ZSWIM5: variants seen among roughly 807,000 people sequenced by gnomAD.
ZSWIM5 encodes the protein zinc finger SWIM domain-containing protein 5.
A neutral mutation model predicts 119.6 loss-of-function variants in ZSWIM5; 55 were observed. That is an observed-to-expected ratio of 0.46 (90% CI 0.37 to 0.58). The LOEUF (loss-of-function observed/expected upper bound fraction) is 0.58. Ranked by LOEUF, ZSWIM5 falls within the 20% of genes least tolerant of loss-of-function variation. The pLI is 0.00. For missense variants in ZSWIM5, 1,193 were observed against 1,512.8 expected, an observed-to-expected ratio of 0.79 and a Z score of 3.51; for synonymous variants, 537 against 606.9, an observed-to-expected ratio of 0.88 and a Z score of 1.69.
In ZSWIM5 at chr1:45,018,794, A is replaced by C; in HGVS notation, c.3218T>G (p.Val1073Gly). Residue 1073 changes from valine (V) to glycine (G), a missense_variant, in exon 14 of 14, where the codon GTG becomes GGG. By Grantham distance (109) the Val-to-Gly change is moderately radical. This residue lies in a region of ZSWIM5 where 961 missense variants were observed against 1,290.0 expected (regional missense o/e 0.74). Transcript: ENST00000359600. The surrounding 1 kb of genome is among the most constrained non-coding windows in gnomAD (Gnocchi z 6.7). ...GCAGCGTCGTAAGATGTCTGAAAGC[A>C]CTGTGGCACAGTGCACACTCTTCAC... Reference protein sequence around the residue: ...LVVKSVHCATVLSDILRRCTV... With the variant: ...LVVKSVHCATGLSDILRRCTV... The C allele has an allele frequency of 6.2e-7, 1 of 1,614,234 alleles. No individual in the cohort carries two copies. The highest frequency in any genetic ancestry group is 8.5e-7 in the Non-Finnish European group (1 of 1,180,034).
chr1:45,035,885 G>A, intron 9 of ZSWIM5, 62 bp from the exon 10 acceptor site: 1 of 1,597,888 alleles, frequency 6.3e-7, no homozygotes, highest in Non-Finnish European at 8.5e-7. Flanking sequence ...GCCTGGACTT[G>A]AGCCCCAGTA....
chr1:45,070,063 T>C, intron 2 of ZSWIM5: 1 of 878,800 alleles, frequency 1.1e-6, no homozygotes, highest in Non-Finnish European at 2.0e-6. Flanking sequence ...ACGAATCCAA[T>C]GACTAGAAGA....
Position 45,018,729 on chromosome 1 carries a change from G to T in ZSWIM5, c.3283C>A (p.Arg1095=), listed in dbSNP as rs774581873. ...GTGGACATGAGCTTTCCAGAGCTTC[G>T]GCGGCCTGGGATGCCGGCCAGGCCA... ...APGLAGIPGR[R]SSGKLMSTDK... is the part of the protein sequence containing the mutation. The change falls in exon 14 of 14, where the codon CGA becomes AGA. Residue 1095 remains arginine, a synonymous_variant. Transcript: ENST00000359600. The surrounding 1 kb of genome is among the most constrained non-coding windows in gnomAD (Gnocchi z 6.7). The T allele has an allele frequency of 1.2e-6, 2 of 1,614,246 alleles. No homozygotes were observed. The highest frequency in any genetic ancestry group is 4.5e-5 in the East Asian group (2 of 44,882).
chr1:45,127,888 A>C (rs1324731274), intron 1 of ZSWIM5, among the ~76,000 whole-genome samples: 1 of 152,250 alleles, frequency 6.6e-6, no homozygotes, highest in African/African-American at 2.4e-5. Context: ...CACTGAAAAA[A>C]GAAGAAAAGA....
chr1:45,080,896 A>G (rs913538801), intron 2 of ZSWIM5, among the ~76,000 whole-genome samples: 1 of 152,216 alleles, frequency 6.6e-6, no homozygotes, highest in South Asian at 2.1e-4. Flanking sequence ...CACCTAAAAA[A>G]GTCAAGGCAA....
At chr1:45,020,893 T>A in intron 11 of ZSWIM5, 105 bp from the exon 12 acceptor site, 1 of 1,304,566 alleles carries the variant, frequency 7.7e-7, no homozygotes, top group South Asian at 1.4e-5. Flanking sequence ...ATTCATTGAA[T>A]GCTTCTGAAT....
Position 45,019,464 on chromosome 1 carries a change from G to A in ZSWIM5, c.2696-148C>T, listed in dbSNP as rs1238254624. On this transcript the variant is annotated intron_variant, in intron 13 of 13. Coordinates refer to ENST00000359600, the MANE Select transcript of ZSWIM5 (RefSeq NM_020883.2). The surrounding 1 kb of genome is among the most constrained non-coding windows in gnomAD (Gnocchi z 5.0). ...GATGATATGAGGCAAACCAGGGCAAGGGGAGCATCCCAGATGGCCAGACCC... is the reference window on the plus strand; with the variant it reads ...GATGATATGAGGCAAACCAGGGCAAAGGGAGCATCCCAGATGGCCAGACCC... 9.2e-7 allele frequency: 1 copy of A among 1,085,368 alleles called. No individual in the cohort carries two copies. Among genetic ancestry groups the A allele is most frequent in the African/African-American group, 1.6e-5 (1 of 63,442 alleles). The allele number at this position is 1,085,368 out of a possible 1,614,324, so 67.2% of individuals were successfully genotyped here.
chr1:45,106,121 C>T (rs1167101833), intron 1 of ZSWIM5, among the ~76,000 whole-genome samples: 9 of 142,416 alleles, frequency 6.3e-5, no homozygotes, highest in African/African-American at 2.1e-4. Context: ...CGCCTCTGTC[C>T]GGCTGCCCCG....
At chr1:45,097,465 T>C (rs1645410330) in intron 1 of ZSWIM5, among the ~76,000 whole-genome samples, 1 of 152,162 alleles carries the variant, frequency 6.6e-6, no homozygotes, top group East Asian at 1.9e-4. Flanking sequence ...TATATTCTAG[T>C]TTATATGAGT....
intron 2 of ZSWIM5, among the ~76,000 whole-genome samples, chr1:45,084,005 G>A (rs2149009962): frequency 6.6e-6 from 1 of 152,146 alleles, no homozygotes; most frequent in African/African-American, 2.4e-5. Flanking sequence ...TGCCTCCTGG[G>A]CTCAAGCCAT....
In ZSWIM5 at chr1:45,110,314, AG is replaced by A. The variant is rs1434903917; in HGVS notation, c.596-22078del. On this transcript the variant is annotated intron_variant, in intron 1 of 13. Coordinates refer to ENST00000359600, the MANE Select transcript of ZSWIM5 (RefSeq NM_020883.2). ...AGAAAAAGAAAAGCCTTCTTCTGTG[AG>A]TTATAAAAATCAAACTCACTGGGGG... Among the ~76,000 whole-genome samples the A allele has an allele frequency of 2.6e-5, 4 of 152,354 alleles. No individual in the cohort carries two copies. In the East Asian group the frequency reaches 7.7e-4, roughly 29 times the overall value.
At chr1:45,204,877 TCTC>T (rs1275693870) in intron 1 of ZSWIM5, among the ~76,000 whole-genome samples, 1 of 152,154 alleles carries the variant, frequency 6.6e-6, no homozygotes, top group Admixed American at 6.5e-5. Flanking sequence ...TTTTTATCCT[TCTC>T]CTTAACCATT....
chr1:45,206,101 C>T lies in ZSWIM5; in HGVS notation c.250G>A (p.Glu84Lys), dbSNP rs761443592. ...GGCTCCGGGATCCGCTCGAAGCGCT[C>T]CTCCACCCGTTCGTATGCCCACTTT... ...AEKWAYERVE[E>K]RFERIPEPVQ... The change falls in exon 1 of 14, where the codon GAG (glutamate) becomes AAG (lysine). Residue 84 changes from glutamate (E) to lysine (K), a missense_variant. Physicochemically the swap from Glu to Lys is moderately conservative, Grantham distance 56. Around this residue, in one of 2 missense-constraint regions of ZSWIM5, gnomAD observed 232 missense variants for 222.9 expected, o/e 1.04. Coordinates refer to ENST00000359600, the MANE Select transcript of ZSWIM5 (RefSeq NM_020883.2). 1 of 1,611,856 alleles carries T rather than the reference C, an allele frequency of 6.2e-7. No homozygotes were observed. The highest frequency in any genetic ancestry group is 2.2e-5 in the East Asian group (1 of 44,734).
intron 2 of ZSWIM5, among the ~76,000 whole-genome samples, chr1:45,084,030 C>G (rs1437957397): frequency 6.6e-6 from 1 of 152,204 alleles, no homozygotes; most frequent in Non-Finnish European, 1.5e-5. Flanking sequence ...CCACCTCAGC[C>G]TCCCGAGTAG....
intron 2 of ZSWIM5, among the ~76,000 whole-genome samples, chr1:45,086,595 GAC>G (rs1445891947): frequency 6.6e-6 from 1 of 152,054 alleles, no homozygotes; most frequent in Non-Finnish European, 1.5e-5. Flanking sequence ...AGAACACTTG[GAC>G]ACAGGGCGGG....
intron 1 of ZSWIM5, among the ~76,000 whole-genome samples, chr1:45,199,551 G>A (rs765261177): frequency 5.3e-5 from 8 of 151,988 alleles, no homozygotes; most frequent in Non-Finnish European, 1.0e-4. Flanking sequence ...CACCCGCCTC[G>A]GCCTACCAAA....
chr1:45,029,505 T>C (rs1253038519), intron 11 of ZSWIM5, among the ~76,000 whole-genome samples: 2 of 152,196 alleles, frequency 1.3e-5, no homozygotes, highest in Non-Finnish European at 2.9e-5. Context: ...TTGATTAAAG[T>C]GGTGTTGGCC....
intron 5 of ZSWIM5, among the ~76,000 whole-genome samples, chr1:45,047,928 G>A (rs913047721): frequency 6.6e-6 from 1 of 152,088 alleles, no homozygotes; most frequent in African/African-American, 2.4e-5. Flanking sequence ...TTATAAGAGT[G>A]AAAGATGGCA....
At chr1:45,147,932 A>T (rs1481487854) in intron 1 of ZSWIM5, among the ~76,000 whole-genome samples, 1 of 152,240 alleles carries the variant, frequency 6.6e-6, no homozygotes, top group Non-Finnish European at 1.5e-5. Flanking sequence ...GAGGGTCAAG[A>T]TGGATATGGC....
Sources: allele counts gnomAD v4.1 joint callset (sites outside exome capture counted in the v4.1 genomes callset), GRCh38; gene constraint gnomAD v4.1.1; regional missense constraint gnomAD v4.1.1; non-coding constraint Gnocchi (gnomAD v3.1); transcripts MANE v1.5; gene names NCBI Gene and HGNC (gene_info 2026-07-23, HGNC 2026-07-21).